PRR16: variants seen among roughly 807,000 people sequenced by gnomAD.
The protein encoded by PRR16 is proline rich 16.
Under a neutral mutation model 18.2 loss-of-function variants are expected in PRR16, and 6 were observed. That is an observed-to-expected ratio of 0.33 (90% CI 0.18 to 0.65). The LOEUF is 0.65. PRR16 is among the 30% of genes least tolerant of loss of function. PRR16 has a pLI of 0.74. For synonymous variants in PRR16, 151 were observed against 147.8 expected, an observed-to-expected ratio of 1.02 and a Z score of -0.16; for missense variants, 412 against 376.6, an observed-to-expected ratio of 1.09 and a Z score of -0.78.
chr5:120,714,292 G>T, the PRR16 span, among the ~76,000 whole-genome samples: 1 of 152,024 alleles, frequency 6.6e-6, no homozygotes, highest in African/African-American at 2.4e-5. Context: ...TTCTGATAAA[G>T]AAGGTATTGT....
At chr5:120,583,313 ATGTGTGTGTG>A (rs35255792) in intron 1 of PRR16, among the ~76,000 whole-genome samples, 468 of 149,046 alleles carry the variant, frequency 3.1e-3, no homozygotes, top group Middle Eastern at 0.014. Context: ...ATACAAAATA[ATGTGTGTGTG>A]TGTGTGTGTG....
At chr5:120,652,011 G>A (rs1398385814) in intron 1 of PRR16, among the ~76,000 whole-genome samples, 2 of 152,084 alleles carry the variant, frequency 1.3e-5, no homozygotes, top group African/African-American at 2.4e-5. Flanking sequence ...TCATTGAGCA[G>A]TGGTTTGTAG....
At chr5:120,491,183 A>C (rs1750025473) in intron 1 of PRR16, among the ~76,000 whole-genome samples, 1 of 152,202 alleles carries the variant, frequency 6.6e-6, no homozygotes, top group South Asian at 2.1e-4. Context: ...CAAATCTGTC[A>C]GACAGGGACA....
chr5:120,676,520 ATATG>A (rs66697384), intron 1 of PRR16, among the ~76,000 whole-genome samples: 49,370 of 123,288 alleles, frequency 0.4, 8,761 homozygotes, highest in East Asian at 0.73. Flanking sequence ...ATATATATAT[ATATG>A]TGTGTGTGTG....
At chr5:120,687,460 A>G (rs1757159189), downstream of PRR16, 1 of 151,238 alleles carries the variant, frequency 6.6e-6, no homozygotes, top group African/African-American at 2.4e-5. Flanking sequence ...TCCACATCAT[A>G]AATCAAAATC....
At chr5:120,723,525 A>G in the PRR16 span, among the ~76,000 whole-genome samples, 3 of 152,066 alleles carry the variant, frequency 2.0e-5, no homozygotes, top group South Asian at 2.1e-4. Context: ...GCTGATGTCA[A>G]ATAACATTGT....
At chr5:120,764,779 C>T in the PRR16 span, among the ~76,000 whole-genome samples, 1 of 152,192 alleles carries the variant, frequency 6.6e-6, no homozygotes, top group South Asian at 2.1e-4. Flanking sequence ...AAAGGTATTT[C>T]ATTTCGTATT....
chr5:120,790,325 G>A, the PRR16 span: 4 of 152,280 alleles, frequency 2.6e-5, no homozygotes, highest in East Asian at 7.7e-4. Flanking sequence ...ACTGTTCCCA[G>A]ATGTGAGACC....
chr5:120,606,551 AT>A (rs1250475721), intron 1 of PRR16, among the ~76,000 whole-genome samples: 2 of 151,988 alleles, frequency 1.3e-5, no homozygotes, highest in Admixed American at 1.3e-4. Context: ...ATTATTAATG[AT>A]TTTTTTCATT....
chr5:120,514,166 T>C (rs904704201), intron 1 of PRR16, among the ~76,000 whole-genome samples: 1 of 152,280 alleles, frequency 6.6e-6, no homozygotes, highest in South Asian at 2.1e-4. Context: ...GAACCTAAGA[T>C]GCCATTTTTA....
the PRR16 span, among the ~76,000 whole-genome samples, chr5:120,775,628 T>C: frequency 1.3e-5 from 2 of 150,934 alleles, no homozygotes; most frequent in Admixed American, 1.3e-4. Context: ...TCTTTTTCTT[T>C]CTCCTTTTTT....
intron 1 of PRR16, among the ~76,000 whole-genome samples, chr5:120,661,512 T>C (rs932122881): frequency 3.3e-5 from 5 of 152,138 alleles, no homozygotes; most frequent in Non-Finnish European, 7.4e-5. Context: ...TACTCTTTTT[T>C]TTTCTGTTCT....
the PRR16 span, among the ~76,000 whole-genome samples, chr5:120,707,506 T>C: frequency 6.6e-6 from 1 of 152,202 alleles, no homozygotes; most frequent in Non-Finnish European, 1.5e-5. Context: ...TCTATGGCTT[T>C]CAACAACTGG....
At chr5:120,522,588 G>C (rs966869273) in intron 1 of PRR16, among the ~76,000 whole-genome samples, 1 of 151,934 alleles carries the variant, frequency 6.6e-6, no homozygotes, top group Non-Finnish European at 1.5e-5. Context: ...TTGTCAGATG[G>C]GTAGATTGCA....
chr5:120,675,728 T>C (rs767091868), intron 1 of PRR16, among the ~76,000 whole-genome samples: 1 of 152,216 alleles, frequency 6.6e-6, no homozygotes. Flanking sequence ...TTCAATGTCT[T>C]ACATATTACC....
the PRR16 span, among the ~76,000 whole-genome samples, chr5:120,733,723 T>C: frequency 6.6e-6 from 1 of 152,192 alleles, no homozygotes; most frequent in Non-Finnish European, 1.5e-5. Flanking sequence ...CCAGCCTGAT[T>C]ACCTAGCCTT....
At chr5:120,670,502 G>A (rs535543207) in intron 1 of PRR16, among the ~76,000 whole-genome samples, 2 of 152,206 alleles carry the variant, frequency 1.3e-5, no homozygotes, top group East Asian at 3.9e-4. Flanking sequence ...GACAGTGAGA[G>A]CAAATGGTTA....
At chr5:120,706,509 A>G in the PRR16 span, among the ~76,000 whole-genome samples, 14 of 152,172 alleles carry the variant, frequency 9.2e-5, no homozygotes, top group African/African-American at 3.1e-4. Context: ...AAGTTGTTCA[A>G]CTGCCGTATC....
intron 1 of PRR16, among the ~76,000 whole-genome samples, chr5:120,615,085 T>C (rs975533984): frequency 6.6e-6 from 1 of 152,176 alleles, no homozygotes; most frequent in Non-Finnish European, 1.5e-5. Context: ...TAAGCACTTA[T>C]GTGCTTTTAA....
Sources: gnomAD v4.1 joint callset for allele counts (sites outside exome capture counted in the v4.1 genomes callset) on GRCh38, gnomAD v4.1.1 for gene constraint, MANE v1.5 for transcripts, NCBI Gene and HGNC (gene_info 2026-07-23, HGNC 2026-07-21) for gene names.